FER1L5: variants seen among roughly 807,000 people sequenced by gnomAD.
FER1L5 encodes fer-1 like family member 5, also known as fer-1-like protein 5.
FER1L5 carries 187 observed loss-of-function variants against 279.9 expected under a neutral mutation model. That is an observed-to-expected ratio of 0.67 (90% CI 0.59 to 0.75). FER1L5 has a LOEUF of 0.75. Ranked by LOEUF, FER1L5 falls within the 30% of genes least tolerant of loss-of-function variation. FER1L5 has a pLI of 0.00. For missense variants in FER1L5, 2,091 were observed against 2,594.4 expected (o/e 0.81, Z 4.21); for synonymous variants, 921 against 989.7 (o/e 0.93, Z 1.30).
At chr2:96,690,801 C>T (rs2077112000) in intron 27 of FER1L5, among the ~76,000 whole-genome samples, 1 of 152,192 alleles carries the variant, frequency 6.6e-6, no homozygotes, top group African/African-American at 2.4e-5. Flanking sequence ...TGAAGCCTGG[C>T]CCAGAGCAAG....
Position 96,690,357 on chromosome 2 carries a change from G to A in FER1L5, c.2641-130G>A, listed in dbSNP as rs569273767. 6.6e-6 allele frequency: 5 copies of A among 752,494 alleles called. No individual in the cohort carries two copies. The East Asian group carries it at 1.4e-4, about 20-fold the overall frequency. The allele number at this position is 752,494 out of a possible 1,614,324, so 46.6% of individuals were successfully genotyped here. On this transcript the variant is annotated intron_variant, in intron 26 of 52. Coordinates refer to ENST00000624922, the MANE Select transcript of FER1L5 (RefSeq NM_001293083.2). ...GCTCTGGTGGTATGAGGTGTGGCAA[G>A]CACAGTCTGGCCTGGAGTGGGAGGC...
intron 45 of FER1L5, 120 bp downstream of exon 45, chr2:96,700,591 A>G (rs886427456): frequency 7.6e-6 from 10 of 1,317,776 alleles, no homozygotes; most frequent in Non-Finnish European, 1.1e-5. Flanking sequence ...ACATTTAGTA[A>G]TGTACATGCA....
At chr2:96,677,833 C>T (rs577418098) in intron 19 of FER1L5, among the ~76,000 whole-genome samples, 1 of 151,366 alleles carries the variant, frequency 6.6e-6, no homozygotes, top group African/African-American at 2.4e-5. Flanking sequence ...CCATTGCACT[C>T]CAGCCTGGGC....
chr2:96,702,397 A>G lies in FER1L5; in HGVS notation c.5251A>G (p.Lys1751Glu). 6.2e-7 allele frequency: 1 copy of G among 1,610,682 alleles called. No individual in the cohort carries two copies. The highest frequency in any genetic ancestry group is 8.5e-7 in the Non-Finnish European group (1 of 1,178,554). The change falls in exon 47 of 53, where the codon AAA becomes GAA. Residue 1751 changes from lysine (K) to glutamate (E), a missense_variant. Coordinates refer to ENST00000624922, the MANE Select transcript of FER1L5 (RefSeq NM_001293083.2). The surrounding 1 kb of genome is among the most constrained non-coding windows in gnomAD (Gnocchi z 4.0). ...AGAGAAGACGAGCGACATCTACATCAAAGGGTAGGGAAGAGGAGTCAGGCT... is the reference window on the plus strand; with the variant it reads ...AGAGAAGACGAGCGACATCTACATCGAAGGGTAGGGAAGAGGAGTCAGGCT... ...SREKTSDIYI[K>E]GWLYGLEKDM...
chr2:96,658,020 CTT>C (rs869186919), intron 9 of FER1L5, among the ~76,000 whole-genome samples: 16 of 141,798 alleles, frequency 1.1e-4, no homozygotes, highest in Admixed American at 1.4e-4. Context: ...GTTTAACTTT[CTT>C]TTTTTTTTTT....
intron 24 of FER1L5, among the ~76,000 whole-genome samples, chr2:96,688,277 G>A (rs1053227948): frequency 6.6e-6 from 1 of 152,166 alleles, no homozygotes; most frequent in Non-Finnish European, 1.5e-5. Flanking sequence ...GGTTTATTCC[G>A]AGCTTTCTCC....
intron 21 of FER1L5, among the ~76,000 whole-genome samples, 183 bp from the exon 22 acceptor site, chr2:96,685,757 G>GGCTGGACACACAGC (rs1185473364): frequency 3.3e-5 from 5 of 152,190 alleles, no homozygotes; most frequent in Non-Finnish European, 5.9e-5. Flanking sequence ...GAGAACCCAG[G>GGCTGGACACACAGC]GCTGGACACA....
intron 39 of FER1L5, 40 bp from the exon 40 acceptor site, chr2:96,697,997 G>T (rs767228515): frequency 1.9e-5 from 30 of 1,539,168 alleles, no homozygotes; most frequent in African/African-American, 2.7e-5. Flanking sequence ...CTAATCACGG[G>T]AACAGTCTCC....
intron 19 of FER1L5, among the ~76,000 whole-genome samples, chr2:96,674,019 G>A (rs2076422610): frequency 4.6e-5 from 7 of 152,134 alleles, no homozygotes; most frequent in Admixed American, 4.6e-4. Context: ...GCTTTATTGA[G>A]ATATAATTCA....
In FER1L5 at chr2:96,700,326, A is replaced by G; in HGVS notation, c.4931-6A>G. 1.9e-6 allele frequency: 3 copies of G among 1,612,452 alleles called. No individual in the cohort carries two copies. Among genetic ancestry groups the G allele is most frequent in the Non-Finnish European group, 2.5e-6 (3 of 1,179,836 alleles). On this transcript the variant is annotated splice_polypyrimidine_tract_variant and splice_region_variant and intron_variant, in intron 44 of 52. Coordinates refer to ENST00000624922, the MANE Select transcript of FER1L5 (RefSeq NM_001293083.2). Reference sequence around the variant, plus strand: ...AATCCCCTCCTTCCATCCCCCTCCAATCCAGAGCCCAAAACCCCTACTGTT... The same window carrying G: ...AATCCCCTCCTTCCATCCCCCTCCAGTCCAGAGCCCAAAACCCCTACTGTT...
At chr2:96,690,350 G>A (rs1045625697) in intron 26 of FER1L5, 137 bp from the exon 27 acceptor site, 14 of 707,480 alleles carry the variant, frequency 2.0e-5, no homozygotes, top group African/African-American at 3.5e-5. Context: ...GGTATGAGGT[G>A]TGGCAAGCAC....
At chr2:96,681,694 T>C (rs888295574) in intron 19 of FER1L5, among the ~76,000 whole-genome samples, 3 of 152,162 alleles carry the variant, frequency 2.0e-5, no homozygotes, top group Non-Finnish European at 4.4e-5. Flanking sequence ...GCTCATTCAC[T>C]GACTGCTGTG....
intron 26 of FER1L5, 90 bp from the exon 27 acceptor site, chr2:96,690,397 C>A: frequency 8.3e-7 from 1 of 1,201,468 alleles, no homozygotes; most frequent in Non-Finnish European, 1.2e-6. Context: ...GCGGCCACAG[C>A]AGGCACGCAC....
At position 96,691,637 on chromosome 2, in the gene FER1L5, G is replaced by T; in HGVS notation, c.3075+25G>T. The T allele has an allele frequency of 6.6e-7, 1 of 1,509,046 alleles. No individual in the cohort carries two copies. Among genetic ancestry groups the T allele is most frequent in the Non-Finnish European group, 8.9e-7 (1 of 1,125,628 alleles). 93.5% of individuals were successfully genotyped at this position (1,509,046 alleles called of 1,614,324 possible). On this transcript the variant is annotated intron_variant, in intron 29 of 52. Coordinates refer to ENST00000624922, the MANE Select transcript of FER1L5 (RefSeq NM_001293083.2). The surrounding 1 kb of genome is among the most constrained non-coding windows in gnomAD (Gnocchi z 6.0). Reference sequence around the variant, plus strand: ...GGTAAAGCCTCACAGGCTGGGTGATGCCTGCCTGTAACCCCACCTCCCAGA... The same window carrying T: ...GGTAAAGCCTCACAGGCTGGGTGATTCCTGCCTGTAACCCCACCTCCCAGA...
intron 23 of FER1L5, 44 bp from the exon 24 acceptor site, chr2:96,687,772 A>T: frequency 1.3e-6 from 2 of 1,546,498 alleles, no homozygotes; most frequent in Non-Finnish European, 8.7e-7. Context: ...GGTGGCGTTC[A>T]GGGTGTTTAG....
chr2:96,701,911 C>T (rs750874754), intron 45 of FER1L5, 44 bp from the exon 46 acceptor site: 1 of 1,591,102 alleles, frequency 6.3e-7, no homozygotes, highest in African/African-American at 1.3e-5. Flanking sequence ...CTGCTGAGAA[C>T]AGAGGCTAGC....
At chr2:96,652,685 T>A (rs2075431568) in intron 7 of FER1L5, 2 of 154,328 alleles carry the variant, frequency 1.3e-5, no homozygotes. Flanking sequence ...GAGCCTACAG[T>A]GTGGGCTGGG....
chr2:96,663,324 A>G, intron 13 of FER1L5, 115 bp from the exon 14 acceptor site: 1 of 952,220 alleles, frequency 1.1e-6, no homozygotes. Flanking sequence ...GGATTAGCCC[A>G]AGCACCTCTG....
At position 96,686,727 on chromosome 2, in the gene FER1L5, G is replaced by A. The variant is rs192683011; in HGVS notation, c.2229+377G>A. Among the ~76,000 whole-genome samples the A allele has an allele frequency of 4.2e-3, 634 of 152,070 alleles. 5 individuals are homozygous for A. The highest frequency in any genetic ancestry group is 6.2e-3 in the Non-Finnish European group (423 of 67,974). On this transcript the variant is annotated intron_variant, in intron 23 of 52. Transcript: ENST00000624922. ...AAAAAAATTAGCTGGGCATGGTGGC[G>A]CATGCTTGTAATCCTAGCTACATGG...
Sources: allele counts gnomAD v4.1 joint callset (sites outside exome capture counted in the v4.1 genomes callset), GRCh38; gene constraint gnomAD v4.1.1; non-coding constraint Gnocchi (gnomAD v3.1); transcripts MANE v1.5; gene names NCBI Gene and HGNC (gene_info 2026-07-23, HGNC 2026-07-21).